Variants in TBCK observed in about 807,000 individuals in gnomAD.
The protein encoded by TBCK is TBC domain-containing protein kinase-like protein.
In TBCK, 99 loss-of-function variants were observed where a neutral mutation model predicts 113.4. The ratio of observed to expected loss-of-function variants is 0.87; its 90% confidence interval spans 0.74 to 1.03. The LOEUF (loss-of-function observed/expected upper bound fraction) is 1.03, where lower values mean the gene tolerates loss of function less well. Among genes scored for constraint, TBCK ranks in the 50% least tolerant of loss-of-function variants. TBCK has a pLI of 0.00. For missense variants in TBCK, 1,045 were observed against 1,061.3 expected, an observed-to-expected ratio of 0.98 and a Z score of 0.21; for synonymous variants, 369 against 370.8, an observed-to-expected ratio of 1.00 and a Z score of 0.05.
At chr4:106,187,808 A>G (rs1463837498) in intron 22 of TBCK, among the ~76,000 whole-genome samples, 1 of 152,022 alleles carries the variant, frequency 6.6e-6, no homozygotes, top group African/African-American at 2.4e-5. Context: ...GTATTTTTTT[A>G]TTGGCTATTG....
chr4:106,092,177 T>C (rs905314855), intron 25 of TBCK, among the ~76,000 whole-genome samples: 1 of 152,188 alleles, frequency 6.6e-6, no homozygotes, highest in Non-Finnish European at 1.5e-5. Context: ...GAGTGCTGAT[T>C]GGTGCATCCA....
chr4:106,059,968 C>A (rs74861883), intron 25 of TBCK, among the ~76,000 whole-genome samples: 5,316 of 151,864 alleles, frequency 0.035, 146 homozygotes, highest in Non-Finnish European at 0.056. Context: ...ACTAGCCACA[C>A]CATTCTCTTA....
chr4:106,246,350 C>T (rs1326921169), intron 10 of TBCK, among the ~76,000 whole-genome samples: 2 of 152,060 alleles, frequency 1.3e-5, no homozygotes, highest in African/African-American at 2.4e-5. Flanking sequence ...TAAGTCATAA[C>T]AACTTTTCAG....
intron 23 of TBCK, among the ~76,000 whole-genome samples, chr4:106,166,897 C>T (rs533779931): frequency 6.6e-6 from 1 of 150,782 alleles, no homozygotes; most frequent in South Asian, 2.1e-4. Flanking sequence ...AAAGATGGTA[C>T]AATAATTGTC....
intron 23 of TBCK, among the ~76,000 whole-genome samples, chr4:106,144,172 C>A (rs1011477708): frequency 2.9e-4 from 44 of 152,110 alleles, no homozygotes; most frequent in Admixed American, 2.6e-3. Context: ...AAAAATCCTG[C>A]CTTTACTTTC....
Position 106,193,788 on chromosome 4 carries a change from T to C in TBCK, c.1898-18A>G, listed in dbSNP as rs139527576. The C allele has an allele frequency of 2.0e-6, 3 of 1,482,378 alleles. No individual in the cohort carries two copies. Among genetic ancestry groups the C allele is most frequent in the East Asian group, 4.8e-5 (2 of 41,970 alleles). The allele number at this position is 1,482,378 out of a possible 1,614,324, so 91.8% of individuals were successfully genotyped here. A position where few individuals can be genotyped will look rare whatever the true frequency, so the allele number is the denominator to read the frequency against. On this transcript the variant is annotated intron_variant, in intron 21 of 25. Coordinates refer to ENST00000394708, the MANE Select transcript of TBCK (RefSeq NM_001163435.3). ...AAATACATCTGTAAAACGATAAAAATACAAATAAATTAAAAAACCAAAATA... is the reference window on the plus strand; with the variant it reads ...AAATACATCTGTAAAACGATAAAAACACAAATAAATTAAAAAACCAAAATA...
chr4:106,060,821 T>C (rs1735954511), intron 25 of TBCK, among the ~76,000 whole-genome samples: 3 of 151,746 alleles, frequency 2.0e-5, no homozygotes, highest in Admixed American at 2.0e-4. Context: ...TTTGTGACTC[T>C]TGGGAGGTCA....
At chr4:106,098,977 A>G (rs1368494421) in intron 24 of TBCK, among the ~76,000 whole-genome samples, 1 of 152,124 alleles carries the variant, frequency 6.6e-6, no homozygotes, top group Non-Finnish European at 1.5e-5. Context: ...CTTCTGATAA[A>G]TAAGTTGGAT....
chr4:106,136,177 G>A (rs1415002025), intron 23 of TBCK, among the ~76,000 whole-genome samples: 2 of 136,698 alleles, frequency 1.5e-5, no homozygotes, highest in African/African-American at 2.6e-5. Context: ...TTCCTTTTCT[G>A]TTATTTTTCC....
chr4:106,165,390 G>C (rs1302776018), intron 23 of TBCK, among the ~76,000 whole-genome samples: 2 of 151,668 alleles, frequency 1.3e-5, no homozygotes, highest in African/African-American at 4.8e-5. Context: ...AAAGGTCAAA[G>C]TGAAATTTTA....
Position 106,116,372 on chromosome 4 carries a change from CTCT to C in TBCK, c.2239_2241del (p.Arg747del). ...TTCAGGTCATTTAATGGGATGGATT[CTCT>C]TGACTGAAAAAAAAAATGTACAAAA... On this transcript the variant is annotated inframe_deletion, in exon 24 of 26. Transcript: ENST00000394708. 1 of 1,593,006 alleles carries C rather than the reference CTCT, an allele frequency of 6.3e-7. No individual in the cohort carries two copies. The highest frequency in any genetic ancestry group is 8.5e-7 in the Non-Finnish European group (1 of 1,173,026).
chr4:106,190,810 G>T (rs1275130150), intron 22 of TBCK, among the ~76,000 whole-genome samples: 1 of 151,740 alleles, frequency 6.6e-6, no homozygotes, highest in Non-Finnish European at 1.5e-5. Context: ...GCGCCATGTC[G>T]GCTCACTGCA....
chr4:106,221,119 T>G (rs1011188969), intron 19 of TBCK, among the ~76,000 whole-genome samples: 2 of 152,136 alleles, frequency 1.3e-5, no homozygotes, highest in South Asian at 4.1e-4. Flanking sequence ...TAATCCATCA[T>G]GAAAACACTG....
intron 19 of TBCK, among the ~76,000 whole-genome samples, chr4:106,215,299 T>C (rs1040360249): frequency 6.7e-6 from 1 of 148,722 alleles, no homozygotes; most frequent in Non-Finnish European, 1.5e-5. Flanking sequence ...ACGAAGAAAC[T>C]GCATCAACTA....
At chr4:106,275,007 C>T (rs1014155456) in intron 3 of TBCK, among the ~76,000 whole-genome samples, 7 of 152,114 alleles carry the variant, frequency 4.6e-5, no homozygotes, top group African/African-American at 1.7e-4. Flanking sequence ...TGGTGTGTGC[C>T]TGTAGTCCCA....
At chr4:106,161,764 G>A (rs1192509408) in intron 23 of TBCK, among the ~76,000 whole-genome samples, 1 of 151,572 alleles carries the variant, frequency 6.6e-6, no homozygotes, top group Non-Finnish European at 1.5e-5. Context: ...AAGACATATT[G>A]CTAAGCAAAA....
intron 25 of TBCK, among the ~76,000 whole-genome samples, chr4:106,068,334 G>A (rs1350784268): frequency 2.0e-5 from 3 of 151,934 alleles, no homozygotes; most frequent in Non-Finnish European, 4.4e-5. Context: ...CCAGTGTGTG[G>A]TGCTCCCTGC....
At chr4:106,071,403 T>G (rs561242034) in intron 25 of TBCK, among the ~76,000 whole-genome samples, 2 of 152,182 alleles carry the variant, frequency 1.3e-5, no homozygotes, top group Non-Finnish European at 1.5e-5. Context: ...TGTAGTTGTG[T>G]GGTTTTGAGT....
chr4:106,068,518 T>A (rs185163121), intron 25 of TBCK, among the ~76,000 whole-genome samples: 1 of 152,348 alleles, frequency 6.6e-6, no homozygotes, highest in African/African-American at 2.4e-5. Flanking sequence ...ATGGTGTATA[T>A]GTGCCACATT....
Sources: allele counts gnomAD v4.1 joint callset (sites outside exome capture counted in the v4.1 genomes callset), GRCh38; gene constraint gnomAD v4.1.1; transcripts MANE v1.5; gene names NCBI Gene and HGNC (gene_info 2026-07-23, HGNC 2026-07-21).